Variants in ZFHX3 observed in about 807,000 individuals in gnomAD.
The protein encoded by ZFHX3 is zinc finger homeobox 3.
In ZFHX3, 42 loss-of-function variants were observed where a neutral mutation model predicts 279.1. The ratio of observed to expected loss-of-function variants is 0.15; its 90% CI spans 0.12 to 0.19. The LOEUF is 0.19. Ranked by LOEUF, ZFHX3 falls within the 10% of genes least tolerant of loss-of-function variation. The probability of loss-of-function intolerance (pLI) is 1.00; values close to 1 mark genes in which losing one functional copy is unlikely to be tolerated. For missense variants in ZFHX3, 4,981 were observed against 4,754.0 expected (o/e 1.05, Z -1.40); for synonymous variants, 2,293 against 1,957.8 (o/e 1.17, Z -4.52).
At chr16:72,953,183 T>A (rs890208986) in intron 2 of ZFHX3, among the ~76,000 whole-genome samples, 1 of 152,146 alleles carries the variant, frequency 6.6e-6, no homozygotes, top group Non-Finnish European at 1.5e-5. Context: ...GCACATGCAT[T>A]CCAGAAGGCT....
intron 4 of ZFHX3, among the ~76,000 whole-genome samples, chr16:73,317,273 C>T (rs190860614): frequency 0.025 from 277 of 11,092 alleles, no homozygotes; most frequent in African/African-American, 0.092. Flanking sequence ...AAACAGAAGC[C>T]GGGGGGTGGG....
chr16:73,383,047 A>T (rs908480003), intron 3 of ZFHX3, among the ~76,000 whole-genome samples: 1 of 152,234 alleles, frequency 6.6e-6, no homozygotes, highest in East Asian at 1.9e-4. Flanking sequence ...CTAACACAGG[A>T]GATGACAGAG....
chr16:73,365,466 T>C (rs2016513915), intron 3 of ZFHX3, among the ~76,000 whole-genome samples: 1 of 152,220 alleles, frequency 6.6e-6, no homozygotes, highest in African/African-American at 2.4e-5. Flanking sequence ...TTGCTAGCGA[T>C]GGGGCTCAGC....
intron 3 of ZFHX3, among the ~76,000 whole-genome samples, chr16:73,450,035 T>C (rs2018256696): frequency 6.6e-6 from 1 of 152,226 alleles, no homozygotes; most frequent in African/African-American, 2.4e-5. Context: ...AAATAAAAAT[T>C]GTACATATTC....
intron 5 of ZFHX3, among the ~76,000 whole-genome samples, chr16:73,146,937 C>A (rs915629044): frequency 6.6e-6 from 1 of 152,200 alleles, no homozygotes; most frequent in Admixed American, 6.5e-5. Context: ...GAATTACAGA[C>A]GTGAGCCACC....
At chr16:73,557,208 C>G (rs968273379) in intron 2 of ZFHX3, among the ~76,000 whole-genome samples, 1 of 150,668 alleles carries the variant, frequency 6.6e-6, no homozygotes, top group Non-Finnish European at 1.5e-5. Context: ...GCCTGGTCTT[C>G]TGTCATGGGA....
chr16:73,326,168 T>A (rs533054010), intron 3 of ZFHX3, among the ~76,000 whole-genome samples: 2 of 152,316 alleles, frequency 1.3e-5, no homozygotes, highest in South Asian at 4.1e-4. Flanking sequence ...AAATACTTTA[T>A]CATTTATTCA....
At chr16:73,011,243 C>T (rs1482109910) in intron 1 of ZFHX3, among the ~76,000 whole-genome samples, 1 of 152,090 alleles carries the variant, frequency 6.6e-6, no homozygotes, top group Admixed American at 6.5e-5. Context: ...CTCAGCCTCC[C>T]AATGTGCTGG....
At chr16:73,555,206 G>A (rs1261894823) in intron 2 of ZFHX3, among the ~76,000 whole-genome samples, 1 of 152,056 alleles carries the variant, frequency 6.6e-6, no homozygotes, top group Non-Finnish European at 1.5e-5. Context: ...CCAGGCTGCA[G>A]TGCAGTGGCG....
intron 1 of ZFHX3, among the ~76,000 whole-genome samples, chr16:73,802,125 CTG>C (rs748007018): frequency 3.9e-5 from 6 of 152,144 alleles, no homozygotes; most frequent in Admixed American, 6.5e-5. Flanking sequence ...GCTGTGGAAA[CTG>C]TGCCTTAACA....
At chr16:73,059,712 T>G (rs1334023239), upstream of ZFHX3, 3 of 152,150 alleles carry the variant, frequency 2.0e-5, no homozygotes, top group Non-Finnish European at 4.4e-5. Flanking sequence ...AATCTGAGAT[T>G]TTTTAACTGA....
intron 1 of ZFHX3, among the ~76,000 whole-genome samples, chr16:72,976,818 C>G (rs1962367250): frequency 6.6e-6 from 1 of 152,202 alleles, no homozygotes; most frequent in Non-Finnish European, 1.5e-5. Flanking sequence ...ACAAGTGGCA[C>G]CGCCGCCCTG....
chr16:73,337,298 G>A (rs966725186), intron 3 of ZFHX3, among the ~76,000 whole-genome samples: 2 of 151,946 alleles, frequency 1.3e-5, no homozygotes, highest in African/African-American at 4.8e-5. Flanking sequence ...CCCTCTCCCT[G>A]AACCTCCCCT....
chr16:72,978,561 G>A (rs1962454198), intron 1 of ZFHX3, among the ~76,000 whole-genome samples: 2 of 152,160 alleles, frequency 1.3e-5, no homozygotes, highest in Non-Finnish European at 1.5e-5. Flanking sequence ...CCAGAGGATT[G>A]GAAGTGCTCT....
chr16:73,579,729 C>G (rs1264955706), intron 2 of ZFHX3, among the ~76,000 whole-genome samples: 1 of 149,872 alleles, frequency 6.7e-6, no homozygotes, highest in East Asian at 1.9e-4. Flanking sequence ...GTCTCGATCT[C>G]CTGACCTCGT....
intron 7 of ZFHX3, among the ~76,000 whole-genome samples, chr16:73,095,177 G>C (rs1287696583): frequency 6.6e-6 from 1 of 151,624 alleles, no homozygotes; most frequent in Non-Finnish European, 1.5e-5. Context: ...CTCCCACTTT[G>C]GCCTCCCAAA....
intron 2 of ZFHX3, chr16:73,486,994 G>T (rs1158687764): frequency 2.9e-6 from 1 of 346,632 alleles, no homozygotes; most frequent in Non-Finnish European, 5.8e-6. Context: ...CATAAAACCT[G>T]CTTGGAAAAA....
intron 2 of ZFHX3, among the ~76,000 whole-genome samples, chr16:73,524,695 C>T (rs2019662472): frequency 6.6e-6 from 1 of 152,204 alleles, no homozygotes. Flanking sequence ...CCCTGGCCTT[C>T]CGTGAGCTCC....
chr16:73,121,205 T>C (rs1322526781), intron 7 of ZFHX3, among the ~76,000 whole-genome samples: 1 of 152,194 alleles, frequency 6.6e-6, no homozygotes, highest in African/African-American at 2.4e-5. Context: ...ACTTTAACAA[T>C]TGAAAATTTG....
Sources: gnomAD v4.1 joint callset for allele counts (sites outside exome capture counted in the v4.1 genomes callset) on GRCh38, gnomAD v4.1.1 for gene constraint, MANE v1.5 for transcripts, NCBI Gene and HGNC (gene_info 2026-07-23, HGNC 2026-07-21) for gene names.